ACAP2: variants seen among roughly 807,000 people sequenced by gnomAD.
ACAP2 encodes arf-GAP with coiled-coil, ANK repeat and PH domain-containing protein 2.
A neutral mutation model predicts 115.8 loss-of-function variants in ACAP2; 39 were observed. The observed-to-expected ratio is 0.34, with a 90% CI of 0.26 to 0.44. ACAP2 has a LOEUF of 0.44. Ranked by LOEUF, ACAP2 falls within the 20% of genes least tolerant of loss-of-function variation. ACAP2 has a pLI of 1.00. For synonymous variants in ACAP2, 289 were observed against 315.8 expected, an observed-to-expected ratio of 0.92 and a Z score of 0.90; for missense variants, 662 against 927.6, an observed-to-expected ratio of 0.71 and a Z score of 3.72.
intron 13 of ACAP2, 132 bp from the exon 14 acceptor site, chr3:195,302,306 G>C (rs375237360): frequency 2.6e-6 from 2 of 757,034 alleles, no homozygotes; most frequent in Non-Finnish European, 2.1e-6. Context: ...CAAGGCAATA[G>C]TCTAGCTAGA....
chr3:195,354,213 G>T (rs373171940), intron 4 of ACAP2, among the ~76,000 whole-genome samples: 26 of 152,272 alleles, frequency 1.7e-4, no homozygotes, highest in African/African-American at 6.3e-4. Flanking sequence ...TAGTGTATAT[G>T]TACGTATGCA....
chr3:195,418,463 T>C (rs1713914367), intron 1 of ACAP2, among the ~76,000 whole-genome samples: 1 of 152,178 alleles, frequency 6.6e-6, no homozygotes, highest in Admixed American at 6.5e-5. Context: ...TTGTTGTTCT[T>C]GCCAGGGCAG....
chr3:195,380,954 G>C (rs988208812), intron 4 of ACAP2, 55 bp downstream of exon 4: 2 of 1,473,682 alleles, frequency 1.4e-6, no homozygotes, highest in African/African-American at 2.9e-5. Flanking sequence ...TGCGACTCAA[G>C]AAAAATACTA....
intron 9 of ACAP2, among the ~76,000 whole-genome samples, chr3:195,322,703 T>C (rs532122273): frequency 2.3e-4 from 35 of 152,326 alleles, no homozygotes; most frequent in African/African-American, 7.7e-4. Flanking sequence ...TAAATATAAA[T>C]ATAATTGACT....
At chr3:195,383,876 T>C (rs1734111823) in intron 2 of ACAP2, among the ~76,000 whole-genome samples, 1 of 152,116 alleles carries the variant, frequency 6.6e-6, no homozygotes, top group Admixed American at 6.5e-5. Context: ...CTTAAACCCA[T>C]GAAAAGATAT....
intron 7 of ACAP2, chr3:195,335,961 C>T (rs1357961114): frequency 7.5e-6 from 1 of 133,552 alleles, no homozygotes; most frequent in African/African-American, 2.9e-5. Flanking sequence ...AGTACAATGG[C>T]GCGATTTCGG....
intron 9 of ACAP2, chr3:195,326,661 A>G: frequency 2.3e-6 from 1 of 440,638 alleles, no homozygotes. Flanking sequence ...AAATTTTTAT[A>G]AACTGGTTCA....
chr3:195,425,941 TC>T (rs1714654643), intron 1 of ACAP2, among the ~76,000 whole-genome samples: 1 of 152,086 alleles, frequency 6.6e-6, no homozygotes, highest in Non-Finnish European at 1.5e-5. Context: ...CATTCACTCT[TC>T]CCCCATACAG....
At chr3:195,306,190 T>G (rs754590986) in intron 13 of ACAP2, among the ~76,000 whole-genome samples, 1 of 152,176 alleles carries the variant, frequency 6.6e-6, no homozygotes, top group Non-Finnish European at 1.5e-5. Flanking sequence ...TTAAACACCT[T>G]TCATGATCAT....
At chr3:195,423,160 A>C (rs1714322995) in intron 1 of ACAP2, among the ~76,000 whole-genome samples, 1 of 152,192 alleles carries the variant, frequency 6.6e-6, no homozygotes, top group Admixed American at 6.5e-5. Flanking sequence ...TGATTCAGAA[A>C]AAAAAAAGTA....
Position 195,442,889 on chromosome 3 carries a change from G to C in ACAP2, c.-42C>G. On this transcript the variant is annotated 5_prime_UTR_variant, in exon 1 of 23. Transcript: ENST00000326793. ...AGGCGGCGCTGGCAAAGCCGAGGGG[G>C]CCGCGGGAGCGGCCGCGCTGGGACG... 1 of 1,492,500 alleles carries C rather than the reference G, an allele frequency of 6.7e-7. No homozygotes were observed. The highest frequency in any genetic ancestry group is 8.9e-7 in the Non-Finnish European group (1 of 1,121,752). 92.5% of individuals were successfully genotyped at this position (1,492,500 alleles called of 1,614,324 possible). A position where few individuals can be genotyped will look rare whatever the true frequency, so the allele number is the denominator to read the frequency against.
At position 195,286,009 on chromosome 3, in the gene ACAP2, G is replaced by C; in HGVS notation, c.2175-152C>G. ...TTTAGTTTATCAAACCCAGCAATCT[G>C]AGGTACAAAGATAAGTATCTCACCT... On this transcript the variant is annotated intron_variant, in intron 21 of 22. Coordinates refer to ENST00000326793, the MANE Select transcript of ACAP2 (RefSeq NM_012287.6). The C allele has an allele frequency of 5.0e-5, 30 of 595,558 alleles. No individual in the cohort carries two copies. In the South Asian group the frequency reaches 6.7e-4, roughly 13 times the overall value. 36.9% of individuals were successfully genotyped at this position (595,558 alleles called of 1,614,324 possible). A position where few individuals can be genotyped will look rare whatever the true frequency, so the allele number is the denominator to read the frequency against.
At chr3:195,440,286 C>T (rs1050467083) in intron 1 of ACAP2, among the ~76,000 whole-genome samples, 1 of 152,162 alleles carries the variant, frequency 6.6e-6, no homozygotes, top group African/African-American at 2.4e-5. Context: ...TAACCATTGA[C>T]TATTCAAATT....
intron 10 of ACAP2, among the ~76,000 whole-genome samples, chr3:195,314,466 G>A (rs1250291944): frequency 6.6e-6 from 1 of 151,798 alleles, no homozygotes; most frequent in Non-Finnish European, 1.5e-5. Flanking sequence ...CAGGGTTCTC[G>A]CCATGTTGGC....
chr3:195,290,705 C>T (rs1421633260), intron 20 of ACAP2, among the ~76,000 whole-genome samples: 1 of 151,956 alleles, frequency 6.6e-6, no homozygotes, highest in African/African-American at 2.4e-5. Context: ...CCCAGCTACT[C>T]AGGGGGCTAA....
chr3:195,315,256 G>A (rs1729013566), intron 10 of ACAP2, among the ~76,000 whole-genome samples: 2 of 152,134 alleles, frequency 1.3e-5, no homozygotes, highest in Non-Finnish European at 2.9e-5. Context: ...CCTGGGCTCA[G>A]GCAATCTGCC....
chr3:195,286,240 A>C (rs1046542334), intron 21 of ACAP2, among the ~76,000 whole-genome samples: 1 of 152,228 alleles, frequency 6.6e-6, no homozygotes, highest in Non-Finnish European at 1.5e-5. Flanking sequence ...ACCTGTCATA[A>C]GTTCACTCTG....
At chr3:195,428,497 A>G (rs938533112) in intron 1 of ACAP2, among the ~76,000 whole-genome samples, 1 of 152,086 alleles carries the variant, frequency 6.6e-6, no homozygotes, top group African/African-American at 2.4e-5. Flanking sequence ...AGATATGTTT[A>G]GATACACAAA....
At chr3:195,390,880 G>A (rs762319583) in intron 2 of ACAP2, among the ~76,000 whole-genome samples, 10 of 152,134 alleles carry the variant, frequency 6.6e-5, no homozygotes, top group Non-Finnish European at 2.9e-5. Flanking sequence ...GGTTTCAGAA[G>A]TATCTAAACA....
Sources: allele counts gnomAD v4.1 joint callset (sites outside exome capture counted in the v4.1 genomes callset), GRCh38; gene constraint gnomAD v4.1.1; transcripts MANE v1.5; gene names NCBI Gene and HGNC (gene_info 2026-07-23, HGNC 2026-07-21).